Variants in NCOA3 observed in about 807,000 individuals in gnomAD.
The protein encoded by NCOA3 is CBP-interacting protein.
NCOA3 carries 51 observed loss-of-function variants against 158.8 expected under a neutral mutation model. The observed-to-expected ratio is 0.32, with a 90% CI of 0.26 to 0.41. NCOA3 has a LOEUF of 0.41. Ranked by LOEUF, NCOA3 falls within the 10% of genes least tolerant of loss-of-function variation. NCOA3 has a pLI of 1.00. For synonymous variants in NCOA3, 537 were observed against 592.4 expected, an observed-to-expected ratio of 0.91 and a Z score of 1.36; for missense variants, 1,510 against 1,746.6, an observed-to-expected ratio of 0.86 and a Z score of 2.41.
chr20:47,521,032 C>A (rs1387515979), intron 1 of NCOA3, among the ~76,000 whole-genome samples: 1 of 152,208 alleles, frequency 6.6e-6, no homozygotes, highest in African/African-American at 2.4e-5. Context: ...ATTTGACCAC[C>A]AAGGAAGTAC....
chr20:47,634,205 G>C lies in NCOA3; in HGVS notation c.1112+10G>C. On this transcript the variant is annotated intron_variant, in intron 10 of 22. Transcript: ENST00000371998. ...CCCACTTCCTTCAGAGGTAATGATAGATTACTGTGTATTCTAATACAAAAT... is the reference window on the plus strand; with the variant it reads ...CCCACTTCCTTCAGAGGTAATGATACATTACTGTGTATTCTAATACAAAAT... 6.2e-7 allele frequency: 1 copy of C among 1,609,514 alleles called. No homozygotes were observed. The highest frequency in any genetic ancestry group is 8.5e-7 in the Non-Finnish European group (1 of 1,176,808).
intron 2 of NCOA3, among the ~76,000 whole-genome samples, chr20:47,583,516 C>A (rs2085486379): frequency 6.6e-6 from 1 of 152,148 alleles, no homozygotes; most frequent in South Asian, 2.1e-4. Flanking sequence ...ACTTTCGACT[C>A]CCCCCAAACT....
intron 1 of NCOA3, among the ~76,000 whole-genome samples, chr20:47,529,837 CTAG>C (rs2084517196): frequency 6.6e-6 from 1 of 152,172 alleles, no homozygotes; most frequent in Admixed American, 6.5e-5. Flanking sequence ...TTTAAGAAGG[CTAG>C]TTTAAAAAGA....
intron 2 of NCOA3, among the ~76,000 whole-genome samples, chr20:47,591,232 A>T (rs565840450): frequency 2.0e-5 from 3 of 152,370 alleles, no homozygotes; most frequent in African/African-American, 7.2e-5. Flanking sequence ...TCTTAGGCTT[A>T]TTCTGTAGTC....
At position 47,625,484 on chromosome 20, in the gene NCOA3, A is replaced by G. The variant is rs1238456413; in HGVS notation, c.357+3A>G. The G allele has an allele frequency of 6.3e-7, 1 of 1,585,008 alleles. No homozygotes were observed. On this transcript the variant is annotated splice_donor_region_variant and intron_variant, in intron 5 of 22. Coordinates refer to ENST00000371998, the MANE Select transcript of NCOA3 (RefSeq NM_181659.3). ...CCTTAGGACCGCTTTTACTTCAGGC[A>G]AGTATAAAGATTTTAACTGTCCAGT... is the stretch of plus-strand genomic sequence containing the variant.
At chr20:47,542,121 C>A (rs1482724954) in intron 1 of NCOA3, among the ~76,000 whole-genome samples, 1 of 145,222 alleles carries the variant, frequency 6.9e-6, no homozygotes, top group South Asian at 2.2e-4. Flanking sequence ...GTCTCAAACT[C>A]GTTGGCTCAA....
chr20:47,534,994 A>C, intron 1 of NCOA3, among the ~76,000 whole-genome samples: 1 of 150,182 alleles, frequency 6.7e-6, no homozygotes, highest in East Asian at 1.9e-4. Context: ...AATCATTACA[A>C]GGTCTGGCTG....
At chr20:47,546,592 C>T (rs1272341611) in intron 1 of NCOA3, among the ~76,000 whole-genome samples, 1 of 147,252 alleles carries the variant, frequency 6.8e-6, no homozygotes, top group African/African-American at 2.5e-5. Flanking sequence ...AGTGCAGTGG[C>T]GCAGTCTTGG....
intron 11 of NCOA3, 84 bp from the exon 12 acceptor site, chr20:47,635,807 A>C: frequency 6.7e-7 from 1 of 1,492,264 alleles, no homozygotes. Context: ...TCTATTTTAT[A>C]ATAGAAACTT....
chr20:47,547,671 G>A (rs984760541), intron 1 of NCOA3, among the ~76,000 whole-genome samples: 1 of 151,574 alleles, frequency 6.6e-6, no homozygotes, highest in African/African-American at 2.4e-5. Context: ...ACCCGCCTCG[G>A]CCTCCCAAAG....
intron 8 of NCOA3, among the ~76,000 whole-genome samples, chr20:47,630,007 T>C (rs2086387155): frequency 6.6e-6 from 1 of 152,212 alleles, no homozygotes; most frequent in African/African-American, 2.4e-5. Context: ...AAAACTGAGA[T>C]CCTACTTACT....
chr20:47,529,394 C>A (rs1192495322), intron 1 of NCOA3, among the ~76,000 whole-genome samples: 2 of 152,022 alleles, frequency 1.3e-5, no homozygotes, highest in Admixed American at 6.6e-5. Flanking sequence ...GCTAGGATTA[C>A]AGGCATGAGC....
At position 47,542,669 on chromosome 20, in the gene NCOA3, C is replaced by G. The variant is rs2084763151; in HGVS notation, c.-98-40514C>G. 2.0e-5 allele frequency among the ~76,000 whole-genome samples: 3 copies of G among 152,078 alleles called. No individual in the cohort carries two copies. In the South Asian group the frequency reaches 6.2e-4, roughly 32 times the overall value. On this transcript the variant is annotated intron_variant, in intron 1 of 22. Transcript: ENST00000371998. ...AGGCAATTCCTAGGCAAGACCCTCT[C>G]TCTAAAAATTGGCCAGGCATGGTGG...
In NCOA3 at chr20:47,636,135, A is replaced by T. The variant is rs1290337701; in HGVS notation, c.1749A>T (p.Ser583=). ...FYCDQNPVES[S]MCQSNSRDHL... ...GCGACCAAAATCCAGTGGAGAGTTC[A>T]ATGTGTCAGTCAAATAGCAGAGATC... is the stretch of plus-strand genomic sequence containing the variant. The change falls in exon 12 of 23, where the codon TCA becomes TCT. Residue 583 remains serine (S), a synonymous_variant. Transcript: ENST00000371998. 6.2e-7 allele frequency: 1 copy of T among 1,614,222 alleles called. No homozygotes were observed.
Position 47,595,688 on chromosome 20 carries a change from A to AT in NCOA3, c.-20+12433dup, listed in dbSNP as rs763938179. Among the ~76,000 whole-genome samples the AT allele has an allele frequency of 1.1e-3, 169 of 149,356 alleles. 1 individual carries two copies. Among genetic ancestry groups the AT allele is most frequent in the Non-Finnish European group, 1.5e-3 (103 of 67,252 alleles). On this transcript the variant is annotated intron_variant, in intron 2 of 22. Transcript: ENST00000371998. ...TGACATAAGGCTTTTTTTTTTTTTA[A>AT]TTTTTTGGTGGGATTGGTTAAAAGC...
At chr20:47,625,355 C>T (rs111265056) in intron 4 of NCOA3, 26 bp from the exon 5 acceptor site, 244 of 1,485,218 alleles carry the variant, frequency 1.6e-4, no homozygotes, top group Admixed American at 1.5e-3. Flanking sequence ...GTGTGTTATT[C>T]GTTATACCAC....
chr20:47,511,550 T>TATATATATATATATATATACATAC lies in NCOA3; in HGVS notation c.-99+9537_-99+9538insATATATATATATACATACATATAT. Among the ~76,000 whole-genome samples the TATATATATATATATATATACATAC allele has an allele frequency of 1.2e-3, 63 of 52,256 alleles. 3 individuals are homozygous for TATATATATATATATATATACATAC. Among genetic ancestry groups the TATATATATATATATATATACATAC allele is most frequent in the Non-Finnish European group, 2.1e-3 (52 of 25,094 alleles). The allele number at this position is 52,256 out of a possible 152,430, so 34.3% of individuals were successfully genotyped here. On this transcript the variant is annotated intron_variant, in intron 1 of 22. Transcript: ENST00000371998. ...ATATATATATATATATATATATATA[T>TATATATATATATATATATACATAC]ATATATTTCTTTTTTTTTTTGAGAC... is the stretch of plus-strand genomic sequence containing the variant.
At chr20:47,542,653 C>T (rs2084762677) in intron 1 of NCOA3, among the ~76,000 whole-genome samples, 1 of 152,062 alleles carries the variant, frequency 6.6e-6, no homozygotes, top group South Asian at 2.1e-4. Flanking sequence ...TAGGCAATTC[C>T]TAGGCAAGAC....
chr20:47,525,556 C>G (rs1484606399), intron 1 of NCOA3, among the ~76,000 whole-genome samples: 1 of 118,264 alleles, frequency 8.5e-6, no homozygotes, highest in Non-Finnish European at 1.9e-5. Flanking sequence ...GCTGGCCGGA[C>G]GGGGGGCTGA....
Sources: allele counts gnomAD v4.1 joint callset (sites outside exome capture counted in the v4.1 genomes callset), GRCh38; gene constraint gnomAD v4.1.1; transcripts MANE v1.5; gene names NCBI Gene and HGNC (gene_info 2026-07-23, HGNC 2026-07-21).